The following ZNF618 variants were observed in gnomAD, a reference collection of about 807,000 sequenced individuals.
ZNF618 encodes zinc finger protein 618, also known as neural precursor cell expressed, developmentally down-regulated 10.
A neutral mutation model predicts 103.0 loss-of-function variants in ZNF618; 34 were observed. The ratio of observed to expected loss-of-function variants is 0.33; its 90% CI spans 0.25 to 0.44. ZNF618 has a LOEUF of 0.44. Ranked by LOEUF, ZNF618 falls within the 20% of genes least tolerant of loss-of-function variation. The probability of loss-of-function intolerance (pLI) is 1.00; values close to 1 mark genes in which losing one functional copy is unlikely to be tolerated. For missense variants in ZNF618, 1,059 were observed against 1,295.4 expected, an observed-to-expected ratio of 0.82 and a Z score of 2.80; for synonymous variants, 551 against 542.2, an observed-to-expected ratio of 1.02 and a Z score of -0.23.
rs1289744750 is a variant in ZNF618, at chr9:113,980,736, G to A, written c.78-7585G>A. Among the ~76,000 whole-genome samples, 5 of 152,284 alleles carry A rather than the reference G, an allele frequency of 3.3e-5. No individual in the cohort carries two copies. The East Asian group carries it at 5.8e-4, about 18-fold the overall frequency. On this transcript the variant is annotated intron_variant, in intron 2 of 14. Transcript: ENST00000374126. ...AAGAGATAAGAATGTCCAGAAGGCCGGAGATCCACCAGGGGAGCACAGAGC... is the reference window on the plus strand; with the variant it reads ...AAGAGATAAGAATGTCCAGAAGGCCAGAGATCCACCAGGGGAGCACAGAGC...
intron 1 of ZNF618, among the ~76,000 whole-genome samples, chr9:113,934,516 C>A (rs1276729733): frequency 3.9e-5 from 6 of 152,194 alleles, no homozygotes; most frequent in Non-Finnish European, 8.8e-5. Flanking sequence ...ATGGAAAGCA[C>A]CACAGACTGG....
At chr9:113,977,423 A>G (rs766698664) in intron 2 of ZNF618, among the ~76,000 whole-genome samples, 2 of 152,180 alleles carry the variant, frequency 1.3e-5, no homozygotes, top group Non-Finnish European at 2.9e-5. Context: ...TTAGACGTCC[A>G]GTGTGAGGGC....
intron 1 of ZNF618, among the ~76,000 whole-genome samples, chr9:113,941,495 G>A (rs1402123838): frequency 6.6e-6 from 1 of 151,980 alleles, no homozygotes; most frequent in Admixed American, 6.6e-5. Context: ...ATGTGCCCAG[G>A]TGACCTGAAT....
chr9:113,934,902 G>A (rs1392107916), intron 1 of ZNF618, among the ~76,000 whole-genome samples: 3 of 152,200 alleles, frequency 2.0e-5, no homozygotes, highest in Non-Finnish European at 4.4e-5. Flanking sequence ...TGCTTTCTAA[G>A]CTCATTTGCT....
chr9:113,934,622 A>T (rs1833881497), intron 1 of ZNF618, among the ~76,000 whole-genome samples: 2 of 152,180 alleles, frequency 1.3e-5, no homozygotes, highest in Non-Finnish European at 2.9e-5. Context: ...GGATTGTTGG[A>T]GTGAGAATAT....
intron 1 of ZNF618, among the ~76,000 whole-genome samples, chr9:113,884,566 C>T (rs1828868765): frequency 6.6e-6 from 1 of 152,150 alleles, no homozygotes; most frequent in African/African-American, 2.4e-5. Context: ...ATCCTCTAGC[C>T]TGTGGCAGAC....
rs566890800 is a variant in ZNF618, at chr9:114,043,811, C to T, written c.1247-4082C>T. Among the ~76,000 whole-genome samples the T allele has an allele frequency of 2.0e-5, 3 of 152,250 alleles. No individual in the cohort carries two copies. The East Asian group carries it at 5.8e-4, about 29-fold the overall frequency. ...TTCCCTGATCATTAGTGATGTTGAGCATTTTTTCATATGTTTGTTGGTCAT... is the reference window on the plus strand; with the variant it reads ...TTCCCTGATCATTAGTGATGTTGAGTATTTTTTCATATGTTTGTTGGTCAT... On this transcript the variant is annotated intron_variant, in intron 13 of 14. Coordinates refer to ENST00000374126, the MANE Select transcript of ZNF618 (RefSeq NM_001318042.2).
rs1296379722 is a variant in ZNF618 at position 114,050,289 on chromosome 9, C to T, written c.*122C>T. ...CACTGTGGACCTCATTATAAATGCC[C>T]CCTGGAAACTTAAGTGCTTTTTTTA... On this transcript the variant is annotated 3_prime_UTR_variant, in exon 15 of 15. Coordinates refer to ENST00000374126, the MANE Select transcript of ZNF618 (RefSeq NM_001318042.2). 1 of 1,247,168 alleles carries T rather than the reference C, an allele frequency of 8.0e-7. No homozygotes were observed. Among genetic ancestry groups the T allele is most frequent in the Non-Finnish European group, 1.1e-6 (1 of 915,834 alleles). 77.3% of individuals were successfully genotyped at this position (1,247,168 alleles called of 1,614,324 possible). A position where few individuals can be genotyped will look rare whatever the true frequency, so the allele number is the denominator to read the frequency against.
At chr9:113,990,829 A>C (rs1021804655) in intron 3 of ZNF618, among the ~76,000 whole-genome samples, 1 of 152,160 alleles carries the variant, frequency 6.6e-6, no homozygotes, top group Non-Finnish European at 1.5e-5. Context: ...GGAGTGACTT[A>C]GGCCAGTGTG....
At chr9:113,951,595 GTGTA>G (rs1304847499) in intron 1 of ZNF618, among the ~76,000 whole-genome samples, 11 of 91,408 alleles carry the variant, frequency 1.2e-4, no homozygotes, top group African/African-American at 3.1e-4. Flanking sequence ...GTGTGTGTGT[GTGTA>G]TATATATGTA....
At chr9:113,966,167 A>G (rs1309187776) in intron 1 of ZNF618, among the ~76,000 whole-genome samples, 1 of 152,182 alleles carries the variant, frequency 6.6e-6, no homozygotes, top group Non-Finnish European at 1.5e-5. Context: ...TTTACATGCT[A>G]TTACATGTTT....
intron 1 of ZNF618, among the ~76,000 whole-genome samples, chr9:113,916,779 T>C (rs1433357491): frequency 6.6e-6 from 1 of 152,202 alleles, no homozygotes; most frequent in Non-Finnish European, 1.5e-5. Flanking sequence ...CACATCTTCG[T>C]CTGGTGCTCA....
intron 1 of ZNF618, among the ~76,000 whole-genome samples, chr9:113,924,846 C>T (rs183396501): frequency 1.3e-5 from 2 of 151,958 alleles, no homozygotes; most frequent in East Asian, 1.9e-4. Context: ...CAGTCTTTCT[C>T]TTATTGATTT....
At chr9:113,965,253 A>C (rs1373745854) in intron 1 of ZNF618, among the ~76,000 whole-genome samples, 1 of 152,194 alleles carries the variant, frequency 6.6e-6, no homozygotes, top group African/African-American at 2.4e-5. Context: ...ACAAAATGTG[A>C]AATGCAGCTA....
chr9:113,988,182 G>A (rs1441569284), intron 2 of ZNF618, 139 bp from the exon 3 acceptor site: 9 of 1,133,450 alleles, frequency 7.9e-6, no homozygotes, highest in Non-Finnish European at 9.7e-6. Context: ...CGTGGGGGTT[G>A]TGTGGGAGGC....
At chr9:114,043,047 C>T (rs1051930127) in intron 13 of ZNF618, among the ~76,000 whole-genome samples, 2 of 152,166 alleles carry the variant, frequency 1.3e-5, no homozygotes, top group Non-Finnish European at 2.9e-5. Context: ...TGTCCATGTT[C>T]TGTGTTATCA....
At position 114,028,951 on chromosome 9, in the gene ZNF618, C is replaced by T; in HGVS notation, c.1063C>T (p.Pro355Ser). ...QTFRTPNSGS[P>S]ASKATAAESA... Reference sequence around the variant, plus strand: ...GTTCCGCACTCCAAATTCGGGATCTCCGGCGAGCAAGGCAACCGCAGGTAC... The same window carrying T: ...GTTCCGCACTCCAAATTCGGGATCTTCGGCGAGCAAGGCAACCGCAGGTAC... Residue 355 changes from proline (P) to serine (S), a missense_variant, in exon 11 of 15, where the codon CCG (proline) becomes TCG (serine). Transcript: ENST00000374126. The T allele has an allele frequency of 6.4e-7, 1 of 1,550,692 alleles. No homozygotes were observed. The highest frequency in any genetic ancestry group is 8.7e-7 in the Non-Finnish European group (1 of 1,147,002).
chr9:113,913,355 T>G (rs1048757055), intron 1 of ZNF618, among the ~76,000 whole-genome samples: 1 of 152,246 alleles, frequency 6.6e-6, no homozygotes, highest in Non-Finnish European at 1.5e-5. Context: ...GTTGACCGCC[T>G]TCTTCTGCAG....
intron 11 of ZNF618, 52 bp downstream of exon 11, chr9:114,029,024 C>A: frequency 6.6e-7 from 1 of 1,519,646 alleles, no homozygotes. Context: ...GCCCTTCTCA[C>A]CACCTGCCAC....
Sources: gnomAD v4.1 joint callset for allele counts (sites outside exome capture counted in the v4.1 genomes callset) on GRCh38, gnomAD v4.1.1 for gene constraint, MANE v1.5 for transcripts, NCBI Gene and HGNC (gene_info 2026-07-23, HGNC 2026-07-21) for gene names.